The following AVL9 variants were observed in gnomAD, a reference collection of about 807,000 sequenced individuals.
The protein encoded by AVL9 is late secretory pathway protein AVL9 homolog.
AVL9 carries 49 observed loss-of-function variants against 79.2 expected under a neutral mutation model. The observed-to-expected ratio is 0.62, with a 90% CI of 0.49 to 0.79. The LOEUF (loss-of-function observed/expected upper bound fraction) is 0.79, where lower values mean the gene tolerates loss of function less well. AVL9 is among the 30% of genes least tolerant of loss of function. AVL9 has a pLI of 0.00. For missense variants in AVL9, 682 were observed against 776.8 expected, an observed-to-expected ratio of 0.88 and a Z score of 1.45; for synonymous variants, 299 against 280.6, an observed-to-expected ratio of 1.07 and a Z score of -0.65.
intron 10 of AVL9, among the ~76,000 whole-genome samples, chr7:32,568,915 A>G (rs1790701691): frequency 6.6e-6 from 1 of 152,226 alleles, no homozygotes; most frequent in African/African-American, 2.4e-5. Flanking sequence ...GGGTCTGATC[A>G]AGCAACAAAA....
At chr7:32,562,864 A>G (rs901874516) in intron 10 of AVL9, 1 of 152,330 alleles carries the variant, frequency 6.6e-6, no homozygotes, top group South Asian at 2.1e-4. Context: ...TCAGGCTGCC[A>G]TGAGCCATGA....
At chr7:32,497,360 A>C (rs935435992) in intron 1 of AVL9, among the ~76,000 whole-genome samples, 1 of 152,280 alleles carries the variant, frequency 6.6e-6, no homozygotes, top group East Asian at 1.9e-4. Context: ...AAAGTTTTGG[A>C]AAGTGTGTGT....
chr7:32,536,517 A>G (rs1788916284), intron 1 of AVL9: 1 of 133,388 alleles, frequency 7.5e-6, no homozygotes, highest in Non-Finnish European at 1.6e-5. Flanking sequence ...TAAATATACC[A>G]TCAATTTGGA....
At chr7:32,551,545 C>A in intron 5 of AVL9, 122 bp downstream of exon 5, 4 of 437,308 alleles carry the variant, frequency 9.1e-6, no homozygotes, top group Admixed American at 4.0e-5. Flanking sequence ...AATGTGAAAA[C>A]GCATTTGCAT....
chr7:32,526,713 AAG>A (rs1359867873), intron 1 of AVL9, among the ~76,000 whole-genome samples: 4 of 152,238 alleles, frequency 2.6e-5, no homozygotes, highest in South Asian at 2.1e-4. Context: ...AAAAAGAAAA[AAG>A]AGACATTTTT....
rs139858041 is a variant in AVL9, at chr7:32,516,146, A to G, written c.93+20344A>G. On this transcript the variant is annotated intron_variant, in intron 1 of 15. Coordinates refer to ENST00000318709, the MANE Select transcript of AVL9 (RefSeq NM_015060.3). ...CTAAAGTTCTGCTTTCCTGTATTAC[A>G]TTACCTCACCTCTTTGGCTTTTGTG... Among the ~76,000 whole-genome samples the G allele has an allele frequency of 1.9e-4, 29 of 152,310 alleles. 1 individual carries two copies. The highest frequency in any genetic ancestry group is 6.7e-4 in the African/African-American group (28 of 41,560).
intron 15 of AVL9, among the ~76,000 whole-genome samples, chr7:32,582,598 A>G (rs1256071073): frequency 6.6e-6 from 1 of 152,240 alleles, no homozygotes; most frequent in Non-Finnish European, 1.5e-5. Context: ...GCTGCTACTG[A>G]TAGTTAAATT....
At chr7:32,499,777 T>G (rs1441275282) in intron 1 of AVL9, among the ~76,000 whole-genome samples, 1 of 152,126 alleles carries the variant, frequency 6.6e-6, no homozygotes, top group Admixed American at 6.6e-5. Context: ...CACCAGTCTG[T>G]GATGTTCCCC....
chr7:32,503,843 C>T (rs1333519501), intron 1 of AVL9, among the ~76,000 whole-genome samples: 4 of 151,952 alleles, frequency 2.6e-5, no homozygotes, highest in Admixed American at 6.5e-5. Context: ...CCACCACACC[C>T]GGCTATGTTT....
intron 1 of AVL9, among the ~76,000 whole-genome samples, chr7:32,498,211 A>G (rs1786945176): frequency 6.7e-6 from 1 of 148,378 alleles, no homozygotes. Context: ...TGTTTCTAGC[A>G]CTTTTTCCAC....
Position 32,586,461 on chromosome 7 carries a change from AC to A in AVL9, c.*2566del, listed in dbSNP as rs533341558. ...AGGAAGCCTCACCCCTGGTCCTGTG[AC>A]CCCCCCCCCCCACACACACACATAC... On this transcript the variant is annotated 3_prime_UTR_variant, in exon 16 of 16. Transcript: ENST00000318709. 365 of 45,600 alleles carry A rather than the reference AC, an allele frequency of 8.0e-3. 4 individuals carry two copies. The highest frequency in any genetic ancestry group is 0.036 in the Middle Eastern group (2 of 56). The allele number at this position is 45,600 out of a possible 1,614,324, so 2.8% of individuals were successfully genotyped here.
chr7:32,569,620 T>C (rs971854386), intron 10 of AVL9, among the ~76,000 whole-genome samples: 1 of 152,242 alleles, frequency 6.6e-6, no homozygotes, highest in Admixed American at 6.5e-5. Context: ...TATGTGCAGA[T>C]GCATGTATTT....
intron 1 of AVL9, chr7:32,535,957 T>C (rs995492470): frequency 2.0e-5 from 3 of 152,240 alleles, no homozygotes; most frequent in South Asian, 2.1e-4. Context: ...TCCATTCCAC[T>C]GCCCTGTGAA....
chr7:32,519,027 G>T (rs1328487902), intron 1 of AVL9, among the ~76,000 whole-genome samples: 1 of 152,220 alleles, frequency 6.6e-6, no homozygotes, highest in South Asian at 2.1e-4. Flanking sequence ...AAAATCTTTT[G>T]GTTCTGCTTT....
intron 1 of AVL9, among the ~76,000 whole-genome samples, chr7:32,515,888 GA>G (rs59567259): frequency 1.3e-4 from 19 of 151,036 alleles, no homozygotes; most frequent in African/African-American, 3.2e-4. Flanking sequence ...TGCTGCAAAA[GA>G]AAAAAAAATC....
rs1287039759 is a variant in AVL9 at position 32,584,129 on chromosome 7, T to C, written c.*222T>C. 5.1e-6 allele frequency: 3 copies of C among 588,010 alleles called. No homozygotes were observed. In the South Asian group the frequency reaches 5.8e-5, roughly 11 times the overall value. The allele number at this position is 588,010 out of a possible 1,614,324, so 36.4% of individuals were successfully genotyped here. ...TTGGGGTTTCAATTGACTACTTTTA[T>C]TTCAGTCTGAGCCTGATTAAAACAT... On this transcript the variant is annotated 3_prime_UTR_variant, in exon 16 of 16. Coordinates refer to ENST00000318709, the MANE Select transcript of AVL9 (RefSeq NM_015060.3).
chr7:32,573,297 C>T lies in AVL9; in HGVS notation c.1449C>T (p.His483=), dbSNP rs772466800. ...DLRFADYLVR[H]VTENRDDVFL... The stretch of plus-strand genomic sequence containing the variant: ...GGTTCGCAGACTACCTAGTGAGGCA[C>T]GTGACTGAGAATCGGGATGACGTCT... The change falls in exon 12 of 16, where the codon CAC becomes CAT. Residue 483 remains histidine, a synonymous_variant. Transcript: ENST00000318709. 6.8e-6 allele frequency: 11 copies of T among 1,613,826 alleles called. 1 individual carries two copies. Among genetic ancestry groups the T allele is most frequent in the Non-Finnish European group, 9.3e-6 (11 of 1,180,002 alleles).
chr7:32,521,953 A>G (rs1562762221), intron 1 of AVL9, among the ~76,000 whole-genome samples: 1 of 152,212 alleles, frequency 6.6e-6, no homozygotes, highest in Non-Finnish European at 1.5e-5. Flanking sequence ...GGAAGCCCCA[A>G]GCTTTGGCAG....
chr7:32,576,074 T>C lies in AVL9; in HGVS notation c.1688+2T>C. On this transcript the variant is annotated splice_donor_variant, in intron 13 of 15. Coordinates refer to ENST00000318709, the MANE Select transcript of AVL9 (RefSeq NM_015060.3). LOFTEE classifies it high-confidence loss of function. The stretch of plus-strand genomic sequence containing the variant: ...AGCACTTGCAGAAATAAATCCAAAG[T>C]AAGCGCGTCCTCTGAAGATTGATAG... 1 of 1,598,938 alleles carries C rather than the reference T, an allele frequency of 6.3e-7. No homozygotes were observed. The highest frequency in any genetic ancestry group is 2.2e-5 in the East Asian group (1 of 44,792).
Sources: allele counts gnomAD v4.1 joint callset (sites outside exome capture counted in the v4.1 genomes callset), GRCh38; gene constraint gnomAD v4.1.1; transcripts MANE v1.5; gene names NCBI Gene and HGNC (gene_info 2026-07-23, HGNC 2026-07-21).